RUBCN: variants seen among roughly 807,000 people sequenced by gnomAD.
RUBCN encodes the protein run domain Beclin-1-interacting and cysteine-rich domain-containing protein.
A neutral mutation model predicts 113.2 loss-of-function variants in RUBCN; 74 were observed. That is an observed-to-expected ratio of 0.65 (90% CI 0.54 to 0.79). The LOEUF (loss-of-function observed/expected upper bound fraction) is 0.79. Ranked by LOEUF, RUBCN falls within the 30% of genes least tolerant of loss-of-function variation. The pLI is 0.00. For synonymous variants in RUBCN, 480 were observed against 490.0 expected (o/e 0.98, Z 0.27); for missense variants, 1,109 against 1,251.7 (o/e 0.89, Z 1.72).
At chr3:197,680,988 A>G in intron 16 of RUBCN, 141 bp downstream of exon 16, 3 of 599,440 alleles carry the variant, frequency 5.0e-6, no homozygotes, top group Non-Finnish European at 9.2e-6. Context: ...AGGGGAGGGG[A>G]CAAGGAGAGG....
intron 11 of RUBCN, among the ~76,000 whole-genome samples, chr3:197,688,202 T>A: frequency 6.6e-6 from 1 of 152,186 alleles, no homozygotes; most frequent in East Asian, 1.9e-4. Flanking sequence ...AATTTTTATA[T>A]TTTTAGCAGA....
At position 197,695,344 on chromosome 3, in the gene RUBCN, G is replaced by A. The variant is rs1392000379; in HGVS notation, c.1473+522C>T. 2.0e-5 allele frequency among the ~76,000 whole-genome samples: 3 copies of A among 152,068 alleles called. No individual in the cohort carries two copies. The East Asian group carries it at 5.8e-4, about 29-fold the overall frequency. On this transcript the variant is annotated intron_variant, in intron 9 of 19. Coordinates refer to ENST00000296343, the MANE Select transcript of RUBCN (RefSeq NM_014687.4). ...AGGAGTTCAAGACCCCAGACACATG[G>A]GCTCACACCTGTTAATCCCAGCACT...
intron 1 of RUBCN, chr3:197,748,473 C>A (rs940759271): frequency 1.3e-5 from 2 of 151,858 alleles, no homozygotes; most frequent in African/African-American, 4.8e-5. Flanking sequence ...AAAGAGACAT[C>A]TTAACCTTTG....
chr3:197,684,976 G>A (rs936483612), intron 11 of RUBCN, among the ~76,000 whole-genome samples: 1 of 152,108 alleles, frequency 6.6e-6, no homozygotes, highest in African/African-American at 2.4e-5. Flanking sequence ...GCTTCATGGA[G>A]GAAAAGGAAC....
chr3:197,716,180 C>T (rs1199240991), intron 2 of RUBCN, among the ~76,000 whole-genome samples: 1 of 152,146 alleles, frequency 6.6e-6, no homozygotes, highest in Non-Finnish European at 1.5e-5. Flanking sequence ...CAGGCTGGAG[C>T]GCGGTGGCAC....
chr3:197,676,855 C>T, intron 18 of RUBCN, 30 bp downstream of exon 18: 4 of 1,614,058 alleles, frequency 2.5e-6, no homozygotes, highest in Non-Finnish European at 2.5e-6. Context: ...AGCAAGGGCT[C>T]AGCTGCATGC....
intron 11 of RUBCN, among the ~76,000 whole-genome samples, chr3:197,687,614 G>C (rs1459826363): frequency 1.3e-5 from 2 of 152,242 alleles, no homozygotes; most frequent in African/African-American, 4.8e-5. Context: ...ACCTTGGGCA[G>C]CTTTGCAGCA....
In RUBCN at chr3:197,724,022, T is replaced by TG. The variant is rs201328778; in HGVS notation, c.66-5893dup. On this transcript the variant is annotated intron_variant, in intron 1 of 19. Coordinates refer to ENST00000296343, the MANE Select transcript of RUBCN (RefSeq NM_014687.4). The stretch of plus-strand genomic sequence containing the variant: ...CTGAGGCAGGAGAATTGCTTGAACC[T>TG]GGGGGGCGGCCTAAGTGGCAAGGGA... Among the ~76,000 whole-genome samples the TG allele has an allele frequency of 9.2e-3, 1,405 of 152,216 alleles. 14 individuals are homozygous for TG. Among genetic ancestry groups the TG allele is most frequent in the African/African-American group, 0.032 (1,337 of 41,524 alleles).
chr3:197,717,994 C>G lies in RUBCN; in HGVS notation c.202G>C (p.Gly68Arg), dbSNP rs762045180. 2.4e-5 allele frequency: 39 copies of G among 1,613,968 alleles called. No homozygotes were observed. In the East Asian group the frequency reaches 8.2e-4, roughly 34 times the overall value. The change falls in exon 2 of 20, where the codon GGG becomes CGG. Residue 68 changes from glycine (G) to arginine (R), a missense_variant. This residue lies in a region of RUBCN where 736 missense variants were observed against 779.6 expected (regional missense o/e 0.94). Coordinates refer to ENST00000296343, the MANE Select transcript of RUBCN (RefSeq NM_014687.4). ...CRDMQSILYH[G>R]LIRDQACRRQ... ...CTGCATACCTGGTCACGGATAAGCCCGTGATAGAGGATGCTCTGCATGTCC... is the reference window on the plus strand; with the variant it reads ...CTGCATACCTGGTCACGGATAAGCCGGTGATAGAGGATGCTCTGCATGTCC...
At chr3:197,718,163 T>TA (rs1190401146) in intron 1 of RUBCN, 33 bp from the exon 2 acceptor site, 1 of 1,613,440 alleles carries the variant, frequency 6.2e-7, no homozygotes, top group South Asian at 1.1e-5. Context: ...AATCGTTAGT[T>TA]ACCTTTGCTG....
At chr3:197,693,077 T>C (rs1004433260) in intron 11 of RUBCN, among the ~76,000 whole-genome samples, 8 of 152,088 alleles carry the variant, frequency 5.3e-5, no homozygotes, top group Admixed American at 2.0e-4. Flanking sequence ...GTTTTGCTGA[T>C]GGGAACTTGA....
chr3:197,694,648 A>G (rs557179563), intron 9 of RUBCN, 63 bp from the exon 10 acceptor site: 5 of 1,438,220 alleles, frequency 3.5e-6, no homozygotes, highest in Non-Finnish European at 4.9e-6. Flanking sequence ...TACTCATTAT[A>G]ATGTGGAAAA....
intron 1 of RUBCN, among the ~76,000 whole-genome samples, chr3:197,734,904 T>C (rs1423276578): frequency 2.0e-5 from 3 of 152,238 alleles, no homozygotes; most frequent in Admixed American, 6.5e-5. Context: ...CCCAAAGTCC[T>C]GTCAGTCCAG....
intron 18 of RUBCN, chr3:197,676,125 C>T (rs778302806): frequency 2.2e-6 from 2 of 892,978 alleles, no homozygotes; most frequent in Non-Finnish European, 2.7e-6. Context: ...ATACAAAACG[C>T]TGTCATACAA....
intron 11 of RUBCN, among the ~76,000 whole-genome samples, chr3:197,689,330 C>A (rs78959230): frequency 2.0e-5 from 3 of 152,074 alleles, no homozygotes; most frequent in Non-Finnish European, 4.4e-5. Context: ...GTATGCCCAG[C>A]CTAAAAAGCA....
chr3:197,716,010 C>A (rs771559715), intron 2 of RUBCN, among the ~76,000 whole-genome samples: 5 of 151,966 alleles, frequency 3.3e-5, no homozygotes, highest in Non-Finnish European at 7.3e-5. Flanking sequence ...ATTCTAATTA[C>A]ACGAATCTTA....
intron 2 of RUBCN, among the ~76,000 whole-genome samples, chr3:197,706,605 G>A (rs1226927383): frequency 6.6e-6 from 1 of 151,866 alleles, no homozygotes; most frequent in African/African-American, 2.4e-5. Flanking sequence ...GATCACAAGA[G>A]CCCAGGAGGC....
chr3:197,726,247 T>C (rs1374537051), intron 1 of RUBCN, among the ~76,000 whole-genome samples: 1 of 152,128 alleles, frequency 6.6e-6, no homozygotes, highest in Non-Finnish European at 1.5e-5. Context: ...TTATTTTTTA[T>C]TTTTATTTTT....
chr3:197,682,610 C>CA lies in RUBCN; in HGVS notation c.1985dup (p.Pro663AlafsTer4). 1 of 1,613,794 alleles carries CA rather than the reference C, an allele frequency of 6.2e-7. No homozygotes were observed. The highest frequency in any genetic ancestry group is 8.5e-7 in the Non-Finnish European group (1 of 1,179,802). ...AGATGGGCAGTGAGTCAGGAATGGG[C>CA]AGGAGCTGCAGGAGGAAAGCACAGT... is the stretch of plus-strand genomic sequence containing the variant. On this transcript the variant is annotated frameshift_variant, in exon 14 of 20. Transcript: ENST00000296343. LOFTEE classifies it high-confidence loss of function.
Sources: allele counts gnomAD v4.1 joint callset (sites outside exome capture counted in the v4.1 genomes callset), GRCh38; gene constraint gnomAD v4.1.1; regional missense constraint gnomAD v4.1.1; transcripts MANE v1.5; gene names NCBI Gene and HGNC (gene_info 2026-07-23, HGNC 2026-07-21).